LDLRAD4: variants seen among roughly 807,000 people sequenced by gnomAD.
The protein encoded by LDLRAD4 is low density lipoprotein receptor class A domain containing 4, also known as low-density lipoprotein receptor class A domain-containing protein 4.
Under a neutral mutation model 17.0 loss-of-function variants are expected in LDLRAD4, and 5 were observed. The observed-to-expected ratio is 0.29, with a 90% CI of 0.15 to 0.62. The LOEUF (loss-of-function observed/expected upper bound fraction) is 0.62. Among genes scored for constraint, LDLRAD4 ranks in the 20% least tolerant of loss-of-function variants. The probability of loss-of-function intolerance (pLI) is 0.84; values close to 1 mark genes in which losing one functional copy is unlikely to be tolerated. For synonymous variants in LDLRAD4, 168 were observed against 171.8 expected, an observed-to-expected ratio of 0.98 and a Z score of 0.17; for missense variants, 340 against 424.7, an observed-to-expected ratio of 0.80 and a Z score of 1.75.
chr18:13,641,473 T>G (rs895995390), intron 4 of LDLRAD4, among the ~76,000 whole-genome samples: 1 of 152,212 alleles, frequency 6.6e-6, no homozygotes, highest in African/African-American at 2.4e-5. Flanking sequence ...GATGGATCCA[T>G]CGATTGATTA....
chr18:13,438,678 C>T (rs1356223274), intron 3 of LDLRAD4, among the ~76,000 whole-genome samples: 1 of 152,202 alleles, frequency 6.6e-6, no homozygotes, highest in Non-Finnish European at 1.5e-5. Context: ...ATTCTTCATA[C>T]CAACATTACT....
intron 3 of LDLRAD4, chr18:13,471,946 G>A (rs1158502113): frequency 6.6e-6 from 1 of 152,180 alleles, no homozygotes; most frequent in Non-Finnish European, 1.5e-5. Flanking sequence ...TCTTATAAGG[G>A]GAAGTCATGG....
intron 2 of LDLRAD4, among the ~76,000 whole-genome samples, chr18:13,391,882 T>A (rs2086300011): frequency 6.6e-6 from 1 of 152,270 alleles, no homozygotes; most frequent in Non-Finnish European, 1.5e-5. Context: ...TTTAAATTGC[T>A]GCATAATATT....
chr18:13,400,684 G>A (rs577315941), intron 2 of LDLRAD4, among the ~76,000 whole-genome samples: 1 of 152,224 alleles, frequency 6.6e-6, no homozygotes. Context: ...GCCCATAAGA[G>A]GGAGCAAAGC....
chr18:13,612,890 G>A (rs1601712053), intron 3 of LDLRAD4: 2 of 1,249,458 alleles, frequency 1.6e-6, no homozygotes, highest in African/African-American at 1.5e-5. Context: ...TTCTCAAGAA[G>A]TTTCTTTCTA....
intron 2 of LDLRAD4, among the ~76,000 whole-genome samples, chr18:13,433,811 A>T (rs1276401273): frequency 6.6e-6 from 1 of 152,198 alleles, no homozygotes; most frequent in African/African-American, 2.4e-5. Context: ...ATAAAATATT[A>T]GGACATTCCC....
chr18:13,321,414 G>A (rs984128942), intron 1 of LDLRAD4, among the ~76,000 whole-genome samples: 2 of 152,034 alleles, frequency 1.3e-5, no homozygotes, highest in Admixed American at 1.3e-4. Context: ...AATTCTCTTC[G>A]GGACTCATTC....
chr18:13,473,340 C>A (rs1015936704), intron 3 of LDLRAD4, among the ~76,000 whole-genome samples: 32 of 152,138 alleles, frequency 2.1e-4, no homozygotes, highest in African/African-American at 7.2e-4. Context: ...CTAGGTGTTT[C>A]TGCATGAAAA....
chr18:13,480,457 G>A (rs560151849), intron 3 of LDLRAD4, among the ~76,000 whole-genome samples: 7 of 152,310 alleles, frequency 4.6e-5, no homozygotes, highest in African/African-American at 1.2e-4. Context: ...AGGGCCGTGA[G>A]CCTATTCTGT....
At chr18:13,372,403 C>G (rs1056091716) in intron 1 of LDLRAD4, among the ~76,000 whole-genome samples, 14 of 152,160 alleles carry the variant, frequency 9.2e-5, no homozygotes, top group African/African-American at 3.4e-4. Context: ...GAACACTAAG[C>G]TAAATTCTAA....
intron 1 of LDLRAD4, among the ~76,000 whole-genome samples, chr18:13,316,259 C>G (rs182901818): frequency 6.6e-6 from 1 of 152,314 alleles, no homozygotes; most frequent in East Asian, 1.9e-4. Context: ...AGTGAAAGGA[C>G]AGCTCTACGG....
intron 1 of LDLRAD4, among the ~76,000 whole-genome samples, chr18:13,251,112 A>G (rs1567933719): frequency 6.6e-6 from 1 of 152,214 alleles, no homozygotes. Context: ...CATCAGCAGA[A>G]TGAAGGACAA....
chr18:13,387,857 C>A, intron 2 of LDLRAD4, 95 bp downstream of exon 3: 2 of 1,136,150 alleles, frequency 1.8e-6, no homozygotes, highest in South Asian at 2.5e-5. Context: ...CCTTTGCAGT[C>A]AGGAGCTGAA....
intron 3 of LDLRAD4, chr18:13,521,566 T>A (rs1471427840): frequency 6.6e-6 from 1 of 152,050 alleles, no homozygotes; most frequent in East Asian, 1.9e-4. Flanking sequence ...AAGATGACAG[T>A]CATCCTCTGT....
chr18:13,402,388 TC>T (rs534370861), intron 2 of LDLRAD4, among the ~76,000 whole-genome samples: 20 of 152,224 alleles, frequency 1.3e-4, no homozygotes, highest in Non-Finnish European at 2.1e-4. Flanking sequence ...AGTAGCTCAA[TC>T]TTGAATTACA....
At chr18:13,446,752 C>A (rs1255024675) in intron 3 of LDLRAD4, among the ~76,000 whole-genome samples, 1 of 152,238 alleles carries the variant, frequency 6.6e-6, no homozygotes, top group Non-Finnish European at 1.5e-5. Context: ...CATCACCATC[C>A]CCGCTTCACC....
At chr18:13,291,486 T>C (rs1162262666) in intron 1 of LDLRAD4, among the ~76,000 whole-genome samples, 1 of 152,192 alleles carries the variant, frequency 6.6e-6, no homozygotes, top group African/African-American at 2.4e-5. Context: ...GATCGGGCTG[T>C]GGTTGCAGAA....
At chr18:13,474,034 C>T (rs985566114) in intron 3 of LDLRAD4, among the ~76,000 whole-genome samples, 2 of 152,064 alleles carry the variant, frequency 1.3e-5, no homozygotes, top group Non-Finnish European at 2.9e-5. Flanking sequence ...AGTGAGTTCT[C>T]ATGAGGTTCG....
intron 3 of LDLRAD4, among the ~76,000 whole-genome samples, chr18:13,457,989 A>G (rs1459854392): frequency 6.6e-6 from 1 of 152,212 alleles, no homozygotes; most frequent in Non-Finnish European, 1.5e-5. Context: ...GATGTATCCC[A>G]GCACCATGGT....
Sources: allele counts gnomAD v4.1 joint callset (sites outside exome capture counted in the v4.1 genomes callset), GRCh38; gene constraint gnomAD v4.1.1; transcripts MANE v1.5; gene names NCBI Gene and HGNC (gene_info 2026-07-23, HGNC 2026-07-21).